PAK5: variants seen among roughly 807,000 people sequenced by gnomAD.
PAK5 encodes the protein serine/threonine-protein kinase PAK 5.
A neutral mutation model predicts 65.9 loss-of-function variants in PAK5; 16 were observed. The observed-to-expected ratio is 0.24, with a 90% CI of 0.16 to 0.37. The LOEUF (loss-of-function observed/expected upper bound fraction) is 0.37, where lower values mean the gene tolerates loss of function less well. Among genes scored for constraint, PAK5 ranks in the 10% least tolerant of loss-of-function variants. The pLI, the probability that PAK5 is intolerant of heterozygous loss-of-function variation, is 1.00. For synonymous variants in PAK5, 371 were observed against 354.9 expected (o/e 1.05, Z -0.51); for missense variants, 785 against 903.9 (o/e 0.87, Z 1.69).
chr20:9,725,773 G>T (rs2048269742), intron 1 of PAK5, among the ~76,000 whole-genome samples: 1 of 152,088 alleles, frequency 6.6e-6, no homozygotes, highest in Non-Finnish European at 1.5e-5. Flanking sequence ...TCAGTTTAAA[G>T]AGTATTAAAA....
intron 3 of PAK5, among the ~76,000 whole-genome samples, chr20:9,616,652 G>A (rs1423736219): frequency 1.3e-5 from 2 of 152,198 alleles, no homozygotes; most frequent in East Asian, 1.9e-4. Flanking sequence ...TGCACTGTGG[G>A]ATGTGGGGCT....
At chr20:9,786,471 T>A (rs1244362352) in intron 1 of PAK5, among the ~76,000 whole-genome samples, 1 of 152,126 alleles carries the variant, frequency 6.6e-6, no homozygotes, top group Non-Finnish European at 1.5e-5. Context: ...CACTTTCCCC[T>A]TTCTCAAAGC....
chr20:9,814,451 T>C lies in PAK5; in HGVS notation c.-162+24311A>G, dbSNP rs1040434749. On this transcript the variant is annotated intron_variant, in intron 1 of 9. Coordinates refer to ENST00000353224, the MANE Select transcript of PAK5 (RefSeq NM_177990.4). ...CATATTTCATTGACCAAGAATTTAA[T>C]TGACCAAGACACCAAGAATTGCAAG... 2.0e-5 allele frequency among the ~76,000 whole-genome samples: 3 copies of C among 152,276 alleles called. No homozygotes were observed. The South Asian group carries it at 6.2e-4, about 32-fold the overall frequency.
chr20:9,712,838 C>T (rs547859045), intron 1 of PAK5, among the ~76,000 whole-genome samples: 1 of 152,058 alleles, frequency 6.6e-6, no homozygotes, highest in Non-Finnish European at 1.5e-5. Flanking sequence ...AAATTAAACC[C>T]TTCTCTCTCA....
chr20:9,671,965 A>G (rs1208906800), intron 2 of PAK5, among the ~76,000 whole-genome samples: 1 of 152,108 alleles, frequency 6.6e-6, no homozygotes, highest in African/African-American at 2.4e-5. Context: ...AAAATCAGCC[A>G]CACACTACAG....
At chr20:9,753,553 AT>A (rs2048600330) in intron 1 of PAK5, among the ~76,000 whole-genome samples, 1 of 152,096 alleles carries the variant, frequency 6.6e-6, no homozygotes, top group African/African-American at 2.4e-5. Flanking sequence ...TTAACATACA[AT>A]TTTCCACTTC....
chr20:9,668,934 G>A (rs981339193), intron 2 of PAK5, among the ~76,000 whole-genome samples: 2 of 152,170 alleles, frequency 1.3e-5, no homozygotes, highest in African/African-American at 4.8e-5. Context: ...GCCTCCTGGT[G>A]CCCAATATCA....
chr20:9,701,338 T>C (rs1034080304), intron 2 of PAK5, among the ~76,000 whole-genome samples: 1 of 152,176 alleles, frequency 6.6e-6, no homozygotes, highest in Non-Finnish European at 1.5e-5. Context: ...TCAGTACATG[T>C]TGAATGTGAG....
intron 6 of PAK5, among the ~76,000 whole-genome samples, chr20:9,560,388 C>T (rs1375442551): frequency 6.6e-6 from 1 of 152,152 alleles, no homozygotes; most frequent in Non-Finnish European, 1.5e-5. Context: ...GAGATAGAGT[C>T]TTGCTCTGTT....
chr20:9,683,209 C>T (rs1404046369), intron 2 of PAK5, among the ~76,000 whole-genome samples: 1 of 152,216 alleles, frequency 6.6e-6, no homozygotes, highest in Admixed American at 6.5e-5. Flanking sequence ...TAGGTTCCTG[C>T]CTCTGGCTCT....
intron 1 of PAK5, among the ~76,000 whole-genome samples, chr20:9,833,657 AT>A (rs765461684): frequency 8.5e-5 from 13 of 152,116 alleles, no homozygotes; most frequent in South Asian, 4.1e-4. Context: ...TTATATGGTG[AT>A]TCTTCCAGAT....
At chr20:9,642,181 T>C (rs543405922) in intron 3 of PAK5, among the ~76,000 whole-genome samples, 118 of 152,310 alleles carry the variant, frequency 7.7e-4, no homozygotes, top group Non-Finnish European at 1.4e-3. Context: ...AGTAATGGGA[T>C]GGCTGGGTCA....
intron 1 of PAK5, among the ~76,000 whole-genome samples, chr20:9,758,931 C>T (rs779617874): frequency 4.6e-5 from 7 of 152,044 alleles, no homozygotes; most frequent in Non-Finnish European, 7.4e-5. Flanking sequence ...GGCTCTGGGG[C>T]TCAGGTTTCA....
intron 9 of PAK5, among the ~76,000 whole-genome samples, chr20:9,540,532 C>A (rs111593596): frequency 1.3e-5 from 2 of 152,160 alleles, no homozygotes; most frequent in Admixed American, 1.3e-4. Context: ...TCATCTCCGA[C>A]GTGTGGCAAA....
At chr20:9,722,187 G>A (rs893431437) in intron 1 of PAK5, among the ~76,000 whole-genome samples, 1 of 152,008 alleles carries the variant, frequency 6.6e-6, no homozygotes, top group Admixed American at 6.6e-5. Context: ...CAGTCATCCA[G>A]GCCAGGGAGT....
intron 1 of PAK5, among the ~76,000 whole-genome samples, chr20:9,829,159 G>A (rs1978511642): frequency 6.6e-6 from 1 of 152,154 alleles, no homozygotes; most frequent in African/African-American, 2.4e-5. Flanking sequence ...TTGATTTTTG[G>A]TTTGGAACAT....
intron 1 of PAK5, among the ~76,000 whole-genome samples, chr20:9,800,632 G>C (rs2049158530): frequency 6.6e-6 from 1 of 152,098 alleles, no homozygotes; most frequent in Non-Finnish European, 1.5e-5. Flanking sequence ...TGTTTTGGTA[G>C]ATTTACTTCC....
intron 3 of PAK5, among the ~76,000 whole-genome samples, chr20:9,613,142 A>G (rs1191450135): frequency 6.6e-6 from 1 of 152,238 alleles, no homozygotes; most frequent in Non-Finnish European, 1.5e-5. Flanking sequence ...CTTTATTGAC[A>G]AAAACAGATG....
At chr20:9,598,643 A>G (rs1391569081) in intron 3 of PAK5, among the ~76,000 whole-genome samples, 1 of 152,116 alleles carries the variant, frequency 6.6e-6, no homozygotes, top group African/African-American at 2.4e-5. Context: ...CTTTTTAATA[A>G]TCACCATTCT....
Sources: allele counts gnomAD v4.1 joint callset (sites outside exome capture counted in the v4.1 genomes callset), GRCh38; gene constraint gnomAD v4.1.1; transcripts MANE v1.5; gene names NCBI Gene and HGNC (gene_info 2026-07-23, HGNC 2026-07-21).